Variants in UNC5C observed in about 807,000 individuals in gnomAD.
UNC5C encodes the protein unc-5 netrin receptor C, also known as netrin receptor UNC5C.
A neutral mutation model predicts 99.8 loss-of-function variants in UNC5C; 47 were observed. The ratio of observed to expected loss-of-function variants is 0.47; its 90% CI spans 0.37 to 0.60. The LOEUF (loss-of-function observed/expected upper bound fraction) is 0.60. Ranked by LOEUF, UNC5C falls within the 20% of genes least tolerant of loss-of-function variation. The pLI is 0.00. For synonymous variants in UNC5C, 487 were observed against 452.2 expected, an observed-to-expected ratio of 1.08 and a Z score of -0.98; for missense variants, 1,062 against 1,165.9, an observed-to-expected ratio of 0.91 and a Z score of 1.30.
At position 95,250,548 on chromosome 4, in the gene UNC5C, G is replaced by T; in HGVS notation, c.714C>A (p.Thr238=). 1 of 1,614,034 alleles carries T rather than the reference G, an allele frequency of 6.2e-7. No homozygotes were observed. The highest frequency in any genetic ancestry group is 1.3e-5 in the African/African-American group (1 of 75,008). ...QARLSDTANY[T]CVAKNIVAKR... ...TGGCAACAATGTTTTTGGCAACACA[G>T]GTGTAATTTGCAGTATCAGAGAGTC... The change falls in exon 5 of 16, where the codon ACC becomes ACA. Residue 238 remains threonine (T), a synonymous_variant. Coordinates refer to ENST00000453304, the MANE Select transcript of UNC5C (RefSeq NM_003728.4).
chr4:95,421,842 G>C (rs1019418154), intron 1 of UNC5C, among the ~76,000 whole-genome samples: 4 of 152,022 alleles, frequency 2.6e-5, no homozygotes, highest in Non-Finnish European at 5.9e-5. Flanking sequence ...TGGATTTTAT[G>C]GTTCATTTTA....
At chr4:95,440,200 C>A (rs1266752764) in intron 1 of UNC5C, among the ~76,000 whole-genome samples, 1 of 152,032 alleles carries the variant, frequency 6.6e-6, no homozygotes, top group East Asian at 1.9e-4. Context: ...CAGAAGTACA[C>A]GTAATGGAGA....
intron 9 of UNC5C, 104 bp from the exon 10 acceptor site, chr4:95,216,315 C>T: frequency 1.2e-6 from 1 of 817,878 alleles, no homozygotes; most frequent in Non-Finnish European, 1.9e-6. Flanking sequence ...TTCATTTTCT[C>T]TAAAGACATG....
At chr4:95,496,432 A>AACAATTATAG (rs1316351873) in intron 1 of UNC5C, among the ~76,000 whole-genome samples, 2 of 151,804 alleles carry the variant, frequency 1.3e-5, no homozygotes, top group African/African-American at 4.8e-5. Context: ...TAGAAGGGAA[A>AACAATTATAG]ACAATTATAG....
At chr4:95,485,344 TA>T (rs1721294553) in intron 1 of UNC5C, among the ~76,000 whole-genome samples, 2 of 151,912 alleles carry the variant, frequency 1.3e-5, no homozygotes, top group South Asian at 4.1e-4. Flanking sequence ...AAGATGTGCC[TA>T]AATTGAAATA....
chr4:95,298,943 T>G (rs745361352), intron 3 of UNC5C, among the ~76,000 whole-genome samples: 9 of 152,178 alleles, frequency 5.9e-5, no homozygotes, highest in Admixed American at 2.6e-4. Flanking sequence ...GAAATCAAAG[T>G]AGTTTTAATC....
At position 95,165,380 on chromosome 4, in the gene UNC5C, A is replaced by C. The variant is rs1735822167; in HGVS notation, c.*3854T>G. On this transcript the variant is annotated 3_prime_UTR_variant, in exon 16 of 16. Coordinates refer to ENST00000453304, the MANE Select transcript of UNC5C (RefSeq NM_003728.4). ...CCCAAAAGTTGTCCAGTTCTTGAAGAGCCTAACTTGCTCACAGCAGGATGG... is the reference window on the plus strand; with the variant it reads ...CCCAAAAGTTGTCCAGTTCTTGAAGCGCCTAACTTGCTCACAGCAGGATGG... 6.6e-6 allele frequency: 1 copy of C among 152,216 alleles called. No individual in the cohort carries two copies. Among genetic ancestry groups the C allele is most frequent in the African/African-American group, 2.4e-5 (1 of 41,452 alleles). 9.4% of individuals were successfully genotyped at this position (152,216 alleles called of 1,614,324 possible).
In UNC5C at chr4:95,189,040, A is replaced by C. The variant is rs78765635; in HGVS notation, c.2137-3844T>G. On this transcript the variant is annotated intron_variant, in intron 12 of 15. Transcript: ENST00000453304. ...AAATATATTTAATGTCAGAAGATTTAGGAAGACTTAAGAGAAATATCGTGA... is the reference window on the plus strand; with the variant it reads ...AAATATATTTAATGTCAGAAGATTTCGGAAGACTTAAGAGAAATATCGTGA... Among the ~76,000 whole-genome samples, 503 of 152,334 alleles carry C rather than the reference A, an allele frequency of 3.3e-3. 3 individuals are homozygous for C. The highest frequency in any genetic ancestry group is 0.011 in the African/African-American group (464 of 41,564).
In UNC5C at chr4:95,261,176, A is replaced by G. The variant is rs557338566; in HGVS notation, c.595-10509T>C. Among the ~76,000 whole-genome samples the G allele has an allele frequency of 9.9e-5, 15 of 152,264 alleles. No homozygotes were observed. In the South Asian group the frequency reaches 3.1e-3, roughly 32 times the overall value. On this transcript the variant is annotated intron_variant, in intron 4 of 15. Coordinates refer to ENST00000453304, the MANE Select transcript of UNC5C (RefSeq NM_003728.4). ...GGAAAAAGCTGGGACACCAAGACAC[A>G]TACATTTTAGCTACTCCAGGACTTG...
intron 1 of UNC5C, among the ~76,000 whole-genome samples, chr4:95,436,479 A>T (rs761022278): frequency 6.6e-6 from 1 of 152,014 alleles, no homozygotes; most frequent in Non-Finnish European, 1.5e-5. Context: ...AGCTGTGCAG[A>T]TATATAACTA....
rs1470717370 is a variant in UNC5C, at chr4:95,169,051, G to A, written c.*183C>T. ...CACAATTTTTCTTAACTCCCGTGAT[G>A]ATGTCCGAGTAAAGTGGGCATGTAC... is the stretch of plus-strand genomic sequence containing the variant. On this transcript the variant is annotated 3_prime_UTR_variant, in exon 16 of 16. Transcript: ENST00000453304. 1 of 661,808 alleles carries A rather than the reference G, an allele frequency of 1.5e-6. No individual in the cohort carries two copies. The highest frequency in any genetic ancestry group is 1.8e-5 in the African/African-American group (1 of 55,442). 41.0% of individuals were successfully genotyped at this position (661,808 alleles called of 1,614,324 possible). A position where few individuals can be genotyped will look rare whatever the true frequency, so the allele number is the denominator to read the frequency against.
intron 7 of UNC5C, among the ~76,000 whole-genome samples, chr4:95,231,678 C>A (rs1294457328): frequency 2.0e-5 from 3 of 152,076 alleles, no homozygotes; most frequent in Non-Finnish European, 4.4e-5. Flanking sequence ...AAGGGCCATT[C>A]AAAATAAACA....
At chr4:95,483,750 C>A (rs1218842683) in intron 1 of UNC5C, among the ~76,000 whole-genome samples, 3 of 151,722 alleles carry the variant, frequency 2.0e-5, no homozygotes, top group African/African-American at 7.3e-5. Context: ...CTTATTTTTA[C>A]TGTTTTCAAC....
intron 1 of UNC5C, among the ~76,000 whole-genome samples, chr4:95,396,762 A>C (rs891560991): frequency 6.6e-6 from 1 of 152,172 alleles, no homozygotes; most frequent in Non-Finnish European, 1.5e-5. Flanking sequence ...GAATTACTGA[A>C]TCTACTTTTC....
Position 95,335,507 on chromosome 4 carries a change from A to G in UNC5C, c.249T>C (p.Cys83=). The change falls in exon 2 of 16, where the codon TGT becomes TGC. Residue 83 remains cysteine (C), a synonymous_variant. Transcript: ENST00000453304. ...AGATCTGGGTGGCAGGGCTTGCTTT[A>G]CAGTACAGGTTCACGGGCTTATTCT... ...IVKNKPVNLY[C]KASPATQIYF... is the part of the protein sequence containing the mutation. The G allele has an allele frequency of 1.2e-6, 2 of 1,612,504 alleles. No individual in the cohort carries two copies. Among genetic ancestry groups the G allele is most frequent in the African/African-American group, 2.7e-5 (2 of 74,966 alleles).
chr4:95,175,620 G>A (rs956804663), intron 14 of UNC5C, among the ~76,000 whole-genome samples: 18 of 152,180 alleles, frequency 1.2e-4, no homozygotes, highest in Non-Finnish European at 2.1e-4. Flanking sequence ...TCAGGTGTTA[G>A]TCTGATGGGC....
At chr4:95,527,424 G>A (rs1219440865) in intron 1 of UNC5C, among the ~76,000 whole-genome samples, 2 of 152,030 alleles carry the variant, frequency 1.3e-5, no homozygotes, top group African/African-American at 2.4e-5. Flanking sequence ...TGACCAAACT[G>A]ATTTGATAAA....
chr4:95,381,202 C>T (rs1339527419), intron 1 of UNC5C, among the ~76,000 whole-genome samples: 1 of 152,154 alleles, frequency 6.6e-6, no homozygotes, highest in Non-Finnish European at 1.5e-5. Context: ...TGTATGCTTG[C>T]TTCTGAGTAT....
At chr4:95,356,224 A>AAAAAAAG (rs1560801873) in intron 1 of UNC5C, among the ~76,000 whole-genome samples, 1 of 127,502 alleles carries the variant, frequency 7.8e-6, no homozygotes, top group Non-Finnish European at 1.6e-5. Flanking sequence ...AAAACAAAAA[A>AAAAAAAG]AAAACAGATT....
Sources: allele counts gnomAD v4.1 joint callset (sites outside exome capture counted in the v4.1 genomes callset), GRCh38; gene constraint gnomAD v4.1.1; transcripts MANE v1.5; gene names NCBI Gene and HGNC (gene_info 2026-07-23, HGNC 2026-07-21).